Variants in IMMP2L observed in about 807,000 individuals in gnomAD.
IMMP2L encodes mitochondrial inner membrane protease subunit 2.
In IMMP2L, 18 loss-of-function variants were observed where a neutral mutation model predicts 19.3. The ratio of observed to expected loss-of-function variants is 0.93; its 90% CI spans 0.64 to 1.38. IMMP2L has a LOEUF of 1.38. Ranked by LOEUF, IMMP2L falls within the 40% of genes most tolerant of loss-of-function variation. The pLI is 0.00. For missense variants in IMMP2L, 233 were observed against 218.2 expected (o/e 1.07, Z -0.43); for synonymous variants, 76 against 73.0 (o/e 1.04, Z -0.21).
rs925037556 is a variant in IMMP2L at position 111,480,597 on chromosome 7, C to CAAAAA, written c.239+6636_239+6640dup. 2.0e-3 allele frequency among the ~76,000 whole-genome samples: 112 copies of CAAAAA among 55,052 alleles called. 1 individual carries two copies. Among genetic ancestry groups the CAAAAA allele is most frequent in the African/African-American group, 5.5e-3 (110 of 20,174 alleles). 36.1% of individuals were successfully genotyped at this position (55,052 alleles called of 152,430 possible). A position where few individuals can be genotyped will look rare whatever the true frequency, so the allele number is the denominator to read the frequency against. ...ATTTCCCTCCCCAGCATTTTACTGT[C>CAAAAA]AAAAAAAAAAAAAAAAAAAAAAAAA... On this transcript the variant is annotated intron_variant, in intron 3 of 5. Coordinates refer to ENST00000405709, the MANE Select transcript of IMMP2L (RefSeq NM_032549.4).
intron 3 of IMMP2L, among the ~76,000 whole-genome samples, chr7:111,450,089 T>G (rs535012847): frequency 6.6e-6 from 1 of 152,034 alleles, no homozygotes; most frequent in Admixed American, 6.5e-5. Flanking sequence ...GAACATTCCA[T>G]GCTCATGGGT....
intron 3 of IMMP2L, among the ~76,000 whole-genome samples, chr7:111,432,682 T>C (rs561504190): frequency 2.0e-5 from 3 of 151,694 alleles, no homozygotes; most frequent in Admixed American, 2.0e-4. Flanking sequence ...CTTTCACCAC[T>C]CTTACTCAAT....
Position 110,758,605 on chromosome 7 carries a change from A to G in IMMP2L, c.409-94884T>C, listed in dbSNP as rs1489204189. ...TGAGCTATTTAGCAGATAATAATCA[A>G]TCAATATTGACTTTCAGTCTTCCTA... On this transcript the variant is annotated intron_variant, in intron 5 of 5. Coordinates refer to ENST00000405709, the MANE Select transcript of IMMP2L (RefSeq NM_032549.4). This position sits in a 1 kb window ranked among gnomAD's most constrained non-coding sequence, Gnocchi z 4.6. 2.0e-5 allele frequency among the ~76,000 whole-genome samples: 3 copies of G among 152,078 alleles called. No individual in the cohort carries two copies. Among genetic ancestry groups the G allele is most frequent in the Non-Finnish European group, 2.9e-5 (2 of 68,008 alleles).
chr7:110,818,291 C>A (rs370072198), intron 5 of IMMP2L, among the ~76,000 whole-genome samples: 9 of 152,112 alleles, frequency 5.9e-5, no homozygotes, highest in South Asian at 4.1e-4. Context: ...ACCCCATCAA[C>A]AAGTGGGCGA....
At chr7:110,666,510 G>T (rs542063297) in intron 5 of IMMP2L, among the ~76,000 whole-genome samples, 11 of 152,086 alleles carry the variant, frequency 7.2e-5, no homozygotes, top group African/African-American at 2.4e-4. Context: ...TCTTGACCTC[G>T]TGATCCACCA....
rs1002913534 is a variant in IMMP2L at position 111,079,968 on chromosome 7, C to A, written c.240-116403G>T. 4.6e-5 allele frequency among the ~76,000 whole-genome samples: 7 copies of A among 151,950 alleles called. No individual in the cohort carries two copies. The East Asian group carries it at 1.4e-3, about 29-fold the overall frequency. On this transcript the variant is annotated intron_variant, in intron 3 of 5. Coordinates refer to ENST00000405709, the MANE Select transcript of IMMP2L (RefSeq NM_032549.4). ...TCTGCCATGTGTGATGTCATAAGGTCCTTATTAGATGCAGCCCCTTACCTT... is the reference window on the plus strand; with the variant it reads ...TCTGCCATGTGTGATGTCATAAGGTACTTATTAGATGCAGCCCCTTACCTT...
intron 3 of IMMP2L, among the ~76,000 whole-genome samples, chr7:111,057,222 G>A (rs1016732635): frequency 6.6e-6 from 1 of 152,116 alleles, no homozygotes; most frequent in Non-Finnish European, 1.5e-5. Context: ...TTGGCATGGT[G>A]CATTCACCCA....
At chr7:111,283,743 G>GGCA (rs1195366080) in intron 3 of IMMP2L, among the ~76,000 whole-genome samples, 2 of 151,686 alleles carry the variant, frequency 1.3e-5, no homozygotes, top group African/African-American at 4.8e-5. Flanking sequence ...AGGCCGAGGC[G>GGCA]GGCGGATCAC....
chr7:111,407,549 C>T (rs1834004430), intron 3 of IMMP2L, among the ~76,000 whole-genome samples: 1 of 151,976 alleles, frequency 6.6e-6, no homozygotes. Flanking sequence ...AAGAAGCCAA[C>T]ACAAAAGACC....
At chr7:110,795,264 A>C in intron 5 of IMMP2L, among the ~76,000 whole-genome samples, 1 of 152,096 alleles carries the variant, frequency 6.6e-6, no homozygotes, top group East Asian at 1.9e-4. Context: ...AAACCAAGCT[A>C]GTAGGTTTTC....
At chr7:110,978,833 C>A (rs1820961515) in intron 3 of IMMP2L, among the ~76,000 whole-genome samples, 1 of 151,986 alleles carries the variant, frequency 6.6e-6, no homozygotes, top group African/African-American at 2.4e-5. Flanking sequence ...CTTTCATAAA[C>A]CTTTCAAAGT....
intron 3 of IMMP2L, among the ~76,000 whole-genome samples, chr7:111,032,040 G>A (rs1340730047): frequency 3.3e-5 from 5 of 149,384 alleles, no homozygotes; most frequent in Non-Finnish European, 7.4e-5. Context: ...CTGGGCTGAA[G>A]CAGTCATCCC....
chr7:111,352,806 G>T (rs1045885580), intron 3 of IMMP2L, among the ~76,000 whole-genome samples: 1 of 152,014 alleles, frequency 6.6e-6, no homozygotes, highest in African/African-American at 2.4e-5. Flanking sequence ...TTGTGTGATC[G>T]GGTTTTCAGT....
intron 5 of IMMP2L, among the ~76,000 whole-genome samples, chr7:110,837,104 C>G (rs1441123995): frequency 2.0e-5 from 3 of 152,030 alleles, no homozygotes; most frequent in Non-Finnish European, 4.4e-5. Flanking sequence ...TAAAAACAAC[C>G]TGCTCATCAA....
chr7:111,184,205 TATATC>T (rs1463399766), intron 3 of IMMP2L, among the ~76,000 whole-genome samples: 1 of 151,918 alleles, frequency 6.6e-6, no homozygotes, highest in Non-Finnish European at 1.5e-5. Context: ...AAATTATAAT[TATATC>T]ATAAGAATCA....
intron 5 of IMMP2L, among the ~76,000 whole-genome samples, chr7:110,748,743 T>G (rs2130906953): frequency 6.6e-6 from 1 of 152,194 alleles, no homozygotes; most frequent in East Asian, 1.9e-4. Flanking sequence ...TATACAAAAA[T>G]TAACTCAAGA....
rs573032957 is a variant in IMMP2L, at chr7:110,961,281, A to G, written c.305+2219T>C. The stretch of plus-strand genomic sequence containing the variant: ...ATCCACAGATGCTCAAGTTCTTTAC[A>G]TAAAATGATGTAGTATTTGCATATA... On this transcript the variant is annotated intron_variant, in intron 4 of 5. Transcript: ENST00000405709. Among the ~76,000 whole-genome samples, 7 of 152,020 alleles carry G rather than the reference A, an allele frequency of 4.6e-5. No homozygotes were observed. The South Asian group carries it at 1.4e-3, about 31-fold the overall frequency.
At chr7:110,979,436 A>T (rs180878061) in intron 3 of IMMP2L, among the ~76,000 whole-genome samples, 1 of 152,206 alleles carries the variant, frequency 6.6e-6, no homozygotes, top group East Asian at 1.9e-4. Flanking sequence ...TCATTTTTTT[A>T]AATTAATAGT....
chr7:110,792,240 T>G (rs2131154584), intron 5 of IMMP2L, among the ~76,000 whole-genome samples: 1 of 151,728 alleles, frequency 6.6e-6, no homozygotes, highest in South Asian at 2.1e-4. Context: ...AATCTAATTT[T>G]CTTACATGAA....
Sources: gnomAD v4.1 joint callset for allele counts (sites outside exome capture counted in the v4.1 genomes callset) on GRCh38, gnomAD v4.1.1 for gene constraint, Gnocchi (gnomAD v3.1) non-coding constraint, MANE v1.5 for transcripts, NCBI Gene and HGNC (gene_info 2026-07-23, HGNC 2026-07-21) for gene names.